Variants in KIF26B observed in about 807,000 individuals in gnomAD.
KIF26B encodes the protein kinesin family member 26B, also known as kinesin-like protein KIF26B.
Under a neutral mutation model 151.2 loss-of-function variants are expected in KIF26B, and 63 were observed. The observed-to-expected ratio is 0.42, with a 90% CI of 0.34 to 0.51. The LOEUF is 0.51. KIF26B is among the 20% of genes least tolerant of loss of function. KIF26B has a pLI of 0.07. For missense variants in KIF26B, 2,813 were observed against 2,913.6 expected (o/e 0.97, Z 0.79); for synonymous variants, 1,357 against 1,262.1 (o/e 1.08, Z -1.59).
intron 4 of KIF26B, among the ~76,000 whole-genome samples, chr1:245,478,529 G>A (rs1251538689): frequency 6.8e-6 from 1 of 147,904 alleles, no homozygotes; most frequent in South Asian, 2.2e-4. Context: ...CCGGGTTCAC[G>A]CCATTCTCCT....
intron 2 of KIF26B, among the ~76,000 whole-genome samples, chr1:245,311,962 C>A (rs1272616690): frequency 1.3e-5 from 2 of 152,184 alleles, no homozygotes; most frequent in African/African-American, 4.8e-5. Flanking sequence ...CCGTTTAACT[C>A]AGAATCAGCC....
rs757794492 is a variant in KIF26B at position 245,156,558 on chromosome 1, G to C, written c.340G>C (p.Gly114Arg). ...CTTCGGCACAGGCTCCCCGGGCTCC[G>C]GCAGCGGCGGCGGCTCCTCCCCCGG... ...PGFGTGSPGS[G>R]SGGGSSPGSD... Residue 114 changes from glycine (G) to arginine (R), a missense_variant, in exon 2 of 15, where the codon GGC becomes CGC. Gly to Arg is a moderately radical substitution (Grantham distance 125, BLOSUM62 -2). Transcript: ENST00000407071. 1 of 1,532,486 alleles carries C rather than the reference G, an allele frequency of 6.5e-7. No homozygotes were observed. Among genetic ancestry groups the C allele is most frequent in the African/African-American group, 1.4e-5 (1 of 71,648 alleles). The allele number at this position is 1,532,486 out of a possible 1,614,324, so 94.9% of individuals were successfully genotyped here. A position where few individuals can be genotyped will look rare whatever the true frequency, so the allele number is the denominator to read the frequency against.
At chr1:245,207,329 C>T (rs547135627) in intron 2 of KIF26B, among the ~76,000 whole-genome samples, 9 of 152,284 alleles carry the variant, frequency 5.9e-5, no homozygotes, top group East Asian at 1.9e-4. Flanking sequence ...TCATTCCTAA[C>T]GCAGCTTGTC....
Position 245,170,385 on chromosome 1 carries a change from G to A in KIF26B, c.465+13702G>A, listed in dbSNP as rs906376077. On this transcript the variant is annotated intron_variant, in intron 2 of 14. Transcript: ENST00000407071. This position sits in a 1 kb window ranked among gnomAD's most constrained non-coding sequence, Gnocchi z 4.4. The stretch of plus-strand genomic sequence containing the variant: ...TGCCCTCATATCCACTTCTACCCTT[G>A]CAGAATAAAGACATGTGGGAATGCT... 3.3e-5 allele frequency among the ~76,000 whole-genome samples: 5 copies of A among 152,172 alleles called. No homozygotes were observed. Among genetic ancestry groups the A allele is most frequent in the African/African-American group, 1.2e-4 (5 of 41,436 alleles).
rs1176006315 is a variant in KIF26B, at chr1:245,597,823, C to A, written c.1351-4754C>A. Among the ~76,000 whole-genome samples, 1 of 151,990 alleles carries A rather than the reference C, an allele frequency of 6.6e-6. No homozygotes were observed. The highest frequency in any genetic ancestry group is 6.6e-5 in the Admixed American group (1 of 15,248). On this transcript the variant is annotated intron_variant, in intron 5 of 14. Coordinates refer to ENST00000407071, the MANE Select transcript of KIF26B (RefSeq NM_018012.4). The surrounding 1 kb of genome is among the most constrained non-coding windows in gnomAD (Gnocchi z 4.6). ...TTCCATATTTCTTGGAGGCTTTGTTCATTCCTTTTCATTCTTTTTTCTCTA... is the reference window on the plus strand; with the variant it reads ...TTCCATATTTCTTGGAGGCTTTGTTAATTCCTTTTCATTCTTTTTTCTCTA...
At chr1:245,397,594 A>G (rs555018873) in intron 3 of KIF26B, among the ~76,000 whole-genome samples, 1 of 152,380 alleles carries the variant, frequency 6.6e-6, no homozygotes, top group East Asian at 1.9e-4. Context: ...TTCCTTGTAG[A>G]AAAATGAATA....
At chr1:245,525,157 C>G (rs1325848249) in intron 4 of KIF26B, among the ~76,000 whole-genome samples, 1 of 152,092 alleles carries the variant, frequency 6.6e-6, no homozygotes, top group Non-Finnish European at 1.5e-5. Context: ...GCAGAAGACT[C>G]TCAAATCTGA....
intron 3 of KIF26B, among the ~76,000 whole-genome samples, chr1:245,392,933 G>C (rs981190912): frequency 6.6e-6 from 1 of 152,184 alleles, no homozygotes; most frequent in African/African-American, 2.4e-5. Flanking sequence ...CACATTGGGA[G>C]GTCATAGTGG....
intron 4 of KIF26B, among the ~76,000 whole-genome samples, chr1:245,500,578 C>T (rs774930100): frequency 4.6e-5 from 7 of 152,182 alleles, no homozygotes; most frequent in Non-Finnish European, 1.0e-4. Context: ...AATTGGCAAG[C>T]GTTTCATCTC....
At chr1:245,317,640 G>T (rs1671805022) in intron 2 of KIF26B, among the ~76,000 whole-genome samples, 1 of 152,228 alleles carries the variant, frequency 6.6e-6, no homozygotes, top group Non-Finnish European at 1.5e-5. Flanking sequence ...ATTGGTTTCT[G>T]TAAGTGTCGG....
chr1:245,281,208 T>G (rs1671042795), intron 2 of KIF26B, among the ~76,000 whole-genome samples: 1 of 71,292 alleles, frequency 1.4e-5, no homozygotes, highest in East Asian at 5.4e-4. Context: ...TGAACTAGTT[T>G]ACAGTCCCAC....
chr1:245,285,284 T>C (rs1413260371), intron 2 of KIF26B, among the ~76,000 whole-genome samples: 2 of 152,216 alleles, frequency 1.3e-5, no homozygotes, highest in East Asian at 3.9e-4. Context: ...AAACATGCAA[T>C]GCCTCCTAAG....
At chr1:245,543,903 G>A (rs979234555) in intron 5 of KIF26B, among the ~76,000 whole-genome samples, 5 of 152,104 alleles carry the variant, frequency 3.3e-5, no homozygotes, top group Non-Finnish European at 5.9e-5. Context: ...AGCAGAGATC[G>A]CGCCACTGTA....
intron 2 of KIF26B, chr1:245,206,778 T>C (rs1250842975): frequency 6.6e-6 from 1 of 152,208 alleles, no homozygotes; most frequent in Non-Finnish European, 1.5e-5. Context: ...CTCTGTTCCA[T>C]TTTGCTTCTT....
intron 2 of KIF26B, among the ~76,000 whole-genome samples, chr1:245,289,988 A>G (rs1056713148): frequency 3.9e-5 from 6 of 152,002 alleles, no homozygotes; most frequent in African/African-American, 1.4e-4. Context: ...CCTACCCTCC[A>G]TCCTTCCTCC....
At chr1:245,555,426 C>T (rs1012670532) in intron 5 of KIF26B, among the ~76,000 whole-genome samples, 2 of 152,142 alleles carry the variant, frequency 1.3e-5, no homozygotes, top group African/African-American at 4.8e-5. Flanking sequence ...TCATTTCAGG[C>T]CAGCTTTCTC....
At chr1:245,640,122 G>GCTCTCTCTCTCTCTCTCTCTCT (rs376565844) in intron 9 of KIF26B, among the ~76,000 whole-genome samples, 1,071 of 53,524 alleles carry the variant, frequency 0.02, 144 homozygotes, top group East Asian at 0.024. Context: ...ACTAATATTT[G>GCTCTCTCTCTCTCTCTCTCTCT]CTCTCTCTCT....
Position 245,478,451 on chromosome 1 carries a change from G to A in KIF26B, c.1166+58706G>A, listed in dbSNP as rs538768890. ...TCGCATTTTTTTTTTTTTTTGAGAC[G>A]GAGTCTTGCTCTGTCGCCCAGGCTG... On this transcript the variant is annotated intron_variant, in intron 4 of 14. Transcript: ENST00000407071. Among the ~76,000 whole-genome samples the A allele has an allele frequency of 3.2e-5, 3 of 94,442 alleles. No homozygotes were observed. In the South Asian group the frequency reaches 1.0e-3, roughly 33 times the overall value. The allele number at this position is 94,442 out of a possible 152,430, so 62.0% of individuals were successfully genotyped here.
chr1:245,547,910 T>C (rs1395402489), intron 5 of KIF26B, among the ~76,000 whole-genome samples: 2 of 152,190 alleles, frequency 1.3e-5, no homozygotes, highest in Admixed American at 1.3e-4. Flanking sequence ...ATATACCAGG[T>C]CTGTTCTTGA....
Sources: allele counts gnomAD v4.1 joint callset (sites outside exome capture counted in the v4.1 genomes callset), GRCh38; gene constraint gnomAD v4.1.1; non-coding constraint Gnocchi (gnomAD v3.1); transcripts MANE v1.5; gene names NCBI Gene and HGNC (gene_info 2026-07-23, HGNC 2026-07-21).